MYO1D: variants seen among roughly 807,000 people sequenced by gnomAD.
MYO1D encodes the protein myosin ID, also known as unconventional myosin-Id.
A neutral mutation model predicts 122.0 loss-of-function variants in MYO1D; 83 were observed. The ratio of observed to expected loss-of-function variants is 0.68; its 90% confidence interval spans 0.57 to 0.82. MYO1D has a LOEUF of 0.82. MYO1D is among the 40% of genes least tolerant of loss of function. The pLI is 0.00. For synonymous variants in MYO1D, 464 were observed against 446.9 expected (o/e 1.04, Z -0.48); for missense variants, 1,157 against 1,269.5 (o/e 0.91, Z 1.35).
chr17:32,506,586 C>T (rs1330998911), intron 21 of MYO1D, among the ~76,000 whole-genome samples: 2 of 152,122 alleles, frequency 1.3e-5, no homozygotes, highest in Admixed American at 1.3e-4. Flanking sequence ...AACACGGGAA[C>T]AAGAAGGCAC....
chr17:32,513,428 G>A (rs1260151276), intron 21 of MYO1D, among the ~76,000 whole-genome samples: 2 of 152,134 alleles, frequency 1.3e-5, no homozygotes, highest in African/African-American at 4.8e-5. Flanking sequence ...TGGAGAAGGA[G>A]GTGGAAAGAG....
intron 16 of MYO1D, among the ~76,000 whole-genome samples, chr17:32,705,446 G>C (rs2089294595): frequency 6.7e-6 from 1 of 148,610 alleles, no homozygotes; most frequent in Non-Finnish European, 1.5e-5. Flanking sequence ...CTTTTTTTTA[G>C]TAGAGACGGG....
At chr17:32,816,022 T>C (rs1052398356) in intron 1 of MYO1D, among the ~76,000 whole-genome samples, 3 of 152,220 alleles carry the variant, frequency 2.0e-5, no homozygotes, top group African/African-American at 7.2e-5. Flanking sequence ...CAGTGGGAAG[T>C]AGCCAGTTGA....
At chr17:32,867,041 T>C (rs1199632154) in intron 1 of MYO1D, among the ~76,000 whole-genome samples, 2 of 152,228 alleles carry the variant, frequency 1.3e-5, no homozygotes, top group African/African-American at 4.8e-5. Flanking sequence ...ATATGATATA[T>C]TGATTCCTTC....
intron 1 of MYO1D, among the ~76,000 whole-genome samples, chr17:32,797,973 A>G (rs746631640): frequency 1.3e-5 from 2 of 152,208 alleles, no homozygotes; most frequent in African/African-American, 2.4e-5. Context: ...TGTTGACATC[A>G]TGTGCCCAGT....
chr17:32,772,368 G>A (rs915103786), intron 5 of MYO1D, among the ~76,000 whole-genome samples: 9 of 152,092 alleles, frequency 5.9e-5, no homozygotes, highest in African/African-American at 1.4e-4. Flanking sequence ...ATTGCTTTTA[G>A]TGTGTATGAG....
At chr17:32,569,810 T>C (rs906993747) in intron 21 of MYO1D, among the ~76,000 whole-genome samples, 33 of 152,136 alleles carry the variant, frequency 2.2e-4, no homozygotes, top group African/African-American at 7.0e-4. Flanking sequence ...AACTTGAATA[T>C]ATTAAAGAGC....
chr17:32,604,624 T>C (rs2087604496), intron 21 of MYO1D, among the ~76,000 whole-genome samples: 1 of 152,210 alleles, frequency 6.6e-6, no homozygotes, highest in South Asian at 2.1e-4. Context: ...CCATCATGAC[T>C]CCATGTTTCT....
chr17:32,842,391 T>G (rs1399001762), intron 1 of MYO1D, among the ~76,000 whole-genome samples: 1 of 152,160 alleles, frequency 6.6e-6, no homozygotes, highest in Non-Finnish European at 1.5e-5. Context: ...CAGGGGTCAC[T>G]TAGGACTCTT....
chr17:32,563,054 T>C (rs1168801310), intron 21 of MYO1D, among the ~76,000 whole-genome samples: 2 of 152,162 alleles, frequency 1.3e-5, no homozygotes, highest in Non-Finnish European at 2.9e-5. Context: ...AAATAAATTA[T>C]ACTGACTTGA....
At chr17:32,867,700 G>A (rs574505773) in intron 1 of MYO1D, among the ~76,000 whole-genome samples, 41 of 150,610 alleles carry the variant, frequency 2.7e-4, no homozygotes, top group African/African-American at 9.5e-4. Context: ...AGGAGGCTGA[G>A]GTAGGAGAAC....
chr17:32,686,963 A>G (rs2089018479), intron 16 of MYO1D, among the ~76,000 whole-genome samples: 1 of 96,954 alleles, frequency 1.0e-5, no homozygotes, highest in Non-Finnish European at 2.1e-5. Flanking sequence ...TCCTGTTTCA[A>G]AACACACACA....
intron 1 of MYO1D, among the ~76,000 whole-genome samples, chr17:32,815,028 G>A (rs1428438480): frequency 6.6e-6 from 1 of 152,180 alleles, no homozygotes; most frequent in Non-Finnish European, 1.5e-5. Flanking sequence ...TTCCACCAAT[G>A]AGTACTCTGT....
intron 21 of MYO1D, among the ~76,000 whole-genome samples, chr17:32,549,210 A>G (rs1382141441): frequency 3.3e-5 from 5 of 152,102 alleles, no homozygotes; most frequent in Non-Finnish European, 1.5e-5. Flanking sequence ...CTCCCACCTC[A>G]GCCTCCAGAG....
At chr17:32,679,625 GT>G (rs1200810925) in intron 16 of MYO1D, among the ~76,000 whole-genome samples, 2 of 152,160 alleles carry the variant, frequency 1.3e-5, no homozygotes, top group Non-Finnish European at 2.9e-5. Context: ...CTATATCTCT[GT>G]TTTGGTACCA....
intron 21 of MYO1D, among the ~76,000 whole-genome samples, chr17:32,526,249 A>G (rs1910338656): frequency 6.6e-6 from 1 of 152,162 alleles, no homozygotes; most frequent in African/African-American, 2.4e-5. Context: ...CTCAGCACAT[A>G]ATAGCTCCTC....
At chr17:32,849,651 T>TG (rs2090968443) in intron 1 of MYO1D, among the ~76,000 whole-genome samples, 1 of 141,048 alleles carries the variant, frequency 7.1e-6, no homozygotes, top group Non-Finnish European at 1.5e-5. Flanking sequence ...TATCACACTC[T>TG]GGGGACTGTT....
In MYO1D at chr17:32,738,709, T is replaced by G. The variant is rs545293992; in HGVS notation, c.1614-324A>C. ...CTTACAATACATATATAAAACAAAT[T>G]CATTTTTGTGATGGTTAGAAAATGA... On this transcript the variant is annotated intron_variant, in intron 13 of 21. Transcript: ENST00000318217. Among the ~76,000 whole-genome samples the G allele has an allele frequency of 4.6e-5, 7 of 152,278 alleles. No homozygotes were observed. In the South Asian group the frequency reaches 1.2e-3, roughly 27 times the overall value.
At chr17:32,527,025 G>C (rs1480299474) in intron 21 of MYO1D, among the ~76,000 whole-genome samples, 1 of 152,182 alleles carries the variant, frequency 6.6e-6, no homozygotes, top group African/African-American at 2.4e-5. Flanking sequence ...AACACCAAGA[G>C]CAGCAATTAT....
Sources: gnomAD v4.1 joint callset for allele counts (sites outside exome capture counted in the v4.1 genomes callset) on GRCh38, gnomAD v4.1.1 for gene constraint, MANE v1.5 for transcripts, NCBI Gene and HGNC (gene_info 2026-07-23, HGNC 2026-07-21) for gene names.